The following MITF variants were observed in gnomAD, a reference collection of about 807,000 sequenced individuals.
The protein encoded by MITF is melanocyte inducing transcription factor.
Under a neutral mutation model 60.5 loss-of-function variants are expected in MITF, and 17 were observed. The observed-to-expected ratio is 0.28, with a 90% confidence interval of 0.19 to 0.42. The LOEUF is 0.42. MITF is among the 10% of genes least tolerant of loss of function. The pLI is 1.00. For synonymous variants in MITF, 260 were observed against 248.5 expected (o/e 1.05, Z -0.43); for missense variants, 622 against 683.5 (o/e 0.91, Z 1.00).
chr3:69,851,579 T>G (rs1053862102), intron 1 of MITF, among the ~76,000 whole-genome samples: 9 of 152,188 alleles, frequency 5.9e-5, no homozygotes, highest in Non-Finnish European at 1.3e-4. Flanking sequence ...GCTATATGAT[T>G]CCATTTATAT....
chr3:69,949,347 T>G (rs1243772610), intron 6 of MITF, among the ~76,000 whole-genome samples, 179 bp downstream of exon 6: 2 of 152,110 alleles, frequency 1.3e-5, no homozygotes, highest in African/African-American at 4.8e-5. Context: ...ACTTGAAAAT[T>G]CTGTTTTTTT....
At chr3:69,766,507 G>C (rs1250154208) in intron 1 of MITF, among the ~76,000 whole-genome samples, 1 of 150,858 alleles carries the variant, frequency 6.6e-6, no homozygotes, top group South Asian at 2.1e-4. Context: ...GATTACAGGC[G>C]TGAGCCACCG....
chr3:69,896,325 G>T (rs1284236927), intron 2 of MITF, among the ~76,000 whole-genome samples: 1 of 152,182 alleles, frequency 6.6e-6, no homozygotes, highest in Non-Finnish European at 1.5e-5. Flanking sequence ...GAATACAGAG[G>T]CAGCAGCTGC....
At chr3:69,787,907 G>A in intron 1 of MITF, among the ~76,000 whole-genome samples, 1 of 152,160 alleles carries the variant, frequency 6.6e-6, no homozygotes, top group East Asian at 1.9e-4. Flanking sequence ...AGTGCTGACT[G>A]TGTGCTGGGT....
chr3:69,866,457 A>G, intron 1 of MITF: 1 of 1,245,472 alleles, frequency 8.0e-7, no homozygotes, highest in African/African-American at 1.6e-5. Flanking sequence ...GGAGTTAAAA[A>G]TACTGAAGCT....
intron 1 of MITF, among the ~76,000 whole-genome samples, chr3:69,878,927 A>C (rs2064416934): frequency 6.6e-6 from 1 of 152,146 alleles, no homozygotes; most frequent in Non-Finnish European, 1.5e-5. Flanking sequence ...GCCTTGATGC[A>C]ATCAAGCTGA....
At chr3:69,911,355 G>A (rs1018459626) in intron 2 of MITF, among the ~76,000 whole-genome samples, 4 of 152,170 alleles carry the variant, frequency 2.6e-5, no homozygotes, top group Non-Finnish European at 5.9e-5. Flanking sequence ...CCAGGCAGGA[G>A]TGAAGTGACA....
At chr3:69,952,997 A>C (rs1051379802) in intron 7 of MITF, among the ~76,000 whole-genome samples, 3 of 152,110 alleles carry the variant, frequency 2.0e-5, no homozygotes, top group Non-Finnish European at 4.4e-5. Context: ...TAACATTTTT[A>C]TATGTGTCTC....
Position 69,792,768 on chromosome 3 carries a change from T to G in MITF, c.104+53067T>G, listed in dbSNP as rs189574594. ...TTAATGGCTAATTTTTTTAATAGTA[T>G]AGTTTTATCACAATTTATTCATAAA... On this transcript the variant is annotated intron_variant, in intron 1 of 9. Transcript: ENST00000352241. Among the ~76,000 whole-genome samples the G allele has an allele frequency of 4.6e-5, 7 of 152,176 alleles. No homozygotes were observed. The East Asian group carries it at 1.4e-3, about 29-fold the overall frequency.
In MITF at chr3:69,937,809, T is replaced by C. The variant is rs769993847; in HGVS notation, c.355-13T>C. The stretch of plus-strand genomic sequence containing the variant: ...ACAGCGCTGTTTTCTTTTCCCTCCA[T>C]GGCTATGTTCAGGTGCAGACCCACC... On this transcript the variant is annotated splice_polypyrimidine_tract_variant and intron_variant, in intron 2 of 9. Coordinates refer to ENST00000352241, the MANE Select transcript of MITF (RefSeq NM_001354604.2). 1.2e-6 allele frequency: 2 copies of C among 1,611,620 alleles called. No individual in the cohort carries two copies. The highest frequency in any genetic ancestry group is 8.5e-7 in the Non-Finnish European group (1 of 1,177,854).
At chr3:69,941,788 A>T (rs1180224873) in intron 5 of MITF, among the ~76,000 whole-genome samples, 1 of 152,186 alleles carries the variant, frequency 6.6e-6, no homozygotes, top group Non-Finnish European at 1.5e-5. Flanking sequence ...TTCCAACCTC[A>T]GTTCATAAAC....
Position 69,740,839 on chromosome 3 carries a change from G to A in MITF, c.104+1138G>A, listed in dbSNP as rs1428028850. ...GGGGCCTGGGTGAATGGGCCTGGCT[G>A]GCAGAGTGGGAGAGGGTCTTGAAAT... is the stretch of plus-strand genomic sequence containing the variant. On this transcript the variant is annotated intron_variant, in intron 1 of 9. Coordinates refer to ENST00000352241, the MANE Select transcript of MITF (RefSeq NM_001354604.2). Among the ~76,000 whole-genome samples the A allele has an allele frequency of 4.6e-5, 7 of 152,302 alleles. No individual in the cohort carries two copies. In the East Asian group the frequency reaches 7.7e-4, roughly 17 times the overall value.
chr3:69,755,890 A>G (rs949299958), intron 1 of MITF, among the ~76,000 whole-genome samples: 1 of 152,140 alleles, frequency 6.6e-6, no homozygotes, highest in African/African-American at 2.4e-5. Context: ...TACTATGATT[A>G]TTGCTCTCTG....
chr3:69,777,850 T>A (rs58244283), intron 1 of MITF, among the ~76,000 whole-genome samples: 27,833 of 152,086 alleles, frequency 0.18, 3,188 homozygotes, highest in East Asian at 0.47. Flanking sequence ...TGAAGTACTT[T>A]TTAAGCCATG....
chr3:69,754,629 T>C (rs1314478060), intron 1 of MITF, among the ~76,000 whole-genome samples: 1 of 152,114 alleles, frequency 6.6e-6, no homozygotes, highest in Non-Finnish European at 1.5e-5. Flanking sequence ...ATCTCTCTTT[T>C]TTTTTTTTTT....
chr3:69,741,774 A>G (rs1336171673), intron 1 of MITF, among the ~76,000 whole-genome samples: 1 of 152,198 alleles, frequency 6.6e-6, no homozygotes, highest in Non-Finnish European at 1.5e-5. Context: ...GGAGTTGGCA[A>G]CATTTCTCTA....
intron 1 of MITF, among the ~76,000 whole-genome samples, chr3:69,789,250 T>G (rs1225510539): frequency 6.6e-6 from 1 of 152,116 alleles, no homozygotes; most frequent in South Asian, 2.1e-4. Context: ...TAATAATTGG[T>G]TAATATCCAG....
intron 3 of MITF, 84 bp from the exon 4 acceptor site, chr3:69,939,014 G>A (rs2065907636): frequency 6.4e-7 from 1 of 1,566,294 alleles, no homozygotes. Context: ...TCTTGTTGCT[G>A]TGCCATCAGC....
At chr3:69,787,921 C>T (rs556187326) in intron 1 of MITF, among the ~76,000 whole-genome samples, 17 of 152,118 alleles carry the variant, frequency 1.1e-4, no homozygotes, top group African/African-American at 2.7e-4. Flanking sequence ...GCTGGGTAAG[C>T]GCTGTGCTAA....
Sources: allele counts gnomAD v4.1 joint callset (sites outside exome capture counted in the v4.1 genomes callset), GRCh38; gene constraint gnomAD v4.1.1; transcripts MANE v1.5; gene names NCBI Gene and HGNC (gene_info 2026-07-23, HGNC 2026-07-21).